NRXN3: variants seen among roughly 807,000 people sequenced by gnomAD.
NRXN3 encodes the protein neurexin 3, also known as neurexin III.
In NRXN3, 32 loss-of-function variants were observed where a neutral mutation model predicts 137.6. The ratio of observed to expected loss-of-function variants is 0.23; its 90% CI spans 0.18 to 0.31. NRXN3 has a LOEUF of 0.31. Among genes scored for constraint, NRXN3 ranks in the 10% least tolerant of loss-of-function variants. The pLI is 1.00. For missense variants in NRXN3, 1,574 were observed against 2,062.5 expected, an observed-to-expected ratio of 0.76 and a Z score of 4.59; for synonymous variants, 798 against 784.5, an observed-to-expected ratio of 1.02 and a Z score of -0.29.
chr14:78,857,217 C>T (rs1440900343), intron 10 of NRXN3, among the ~76,000 whole-genome samples: 1 of 151,928 alleles, frequency 6.6e-6, no homozygotes, highest in Non-Finnish European at 1.5e-5. Flanking sequence ...ACTGTCTTTG[C>T]CAGGCCTTTT....
intron 14 of NRXN3, among the ~76,000 whole-genome samples, chr14:78,982,478 A>G (rs2099491824): frequency 6.6e-6 from 1 of 151,034 alleles, no homozygotes. Flanking sequence ...GAGACCCCCA[A>G]AATAAACTTA....
intron 15 of NRXN3, among the ~76,000 whole-genome samples, chr14:79,253,981 T>G (rs1431400063): frequency 1.3e-5 from 2 of 152,258 alleles, no homozygotes; most frequent in East Asian, 3.8e-4. Flanking sequence ...GAACTAGCTC[T>G]TATTTGATCA....
intron 10 of NRXN3, among the ~76,000 whole-genome samples, chr14:78,817,904 A>C (rs541835737): frequency 6.6e-6 from 1 of 152,274 alleles, no homozygotes; most frequent in East Asian, 1.9e-4. Context: ...CCATATCCAA[A>C]CCATAGCAAG....
In NRXN3 at chr14:78,703,331, G is replaced by C. The variant is rs190406276; in HGVS notation, c.1222-5886G>C. Among the ~76,000 whole-genome samples, 437 of 152,294 alleles carry C rather than the reference G, an allele frequency of 2.9e-3. 3 individuals are homozygous for C. The highest frequency in any genetic ancestry group is 6.8e-3 in the Middle Eastern group (2 of 294). ...CCCAAGTCATCAGCTGCCTGAGGGAGAGAAGGGAAGTGGGGCAGAGACAGT... is the reference window on the plus strand; with the variant it reads ...CCCAAGTCATCAGCTGCCTGAGGGACAGAAGGGAAGTGGGGCAGAGACAGT... On this transcript the variant is annotated intron_variant, in intron 6 of 20. Transcript: ENST00000335750.
At chr14:78,958,662 CTATATCT>C (rs2099402023) in intron 11 of NRXN3, among the ~76,000 whole-genome samples, 1 of 152,180 alleles carries the variant, frequency 6.6e-6, no homozygotes, top group Admixed American at 6.5e-5. Context: ...GCCTTACATG[CTATATCT>C]TATAAGTCTT....
At chr14:79,254,631 T>C (rs1204953065) in intron 15 of NRXN3, among the ~76,000 whole-genome samples, 1 of 152,172 alleles carries the variant, frequency 6.6e-6, no homozygotes, top group Non-Finnish European at 1.5e-5. Flanking sequence ...TGGACTCTTC[T>C]CTGGGCAAAG....
chr14:79,162,603 C>T (rs1298673040), intron 15 of NRXN3, among the ~76,000 whole-genome samples: 1 of 151,848 alleles, frequency 6.6e-6, no homozygotes, highest in Non-Finnish European at 1.5e-5. Flanking sequence ...AAAAAATGCT[C>T]ACCATCACTG....
At chr14:78,945,723 C>T (rs1462864048) in intron 10 of NRXN3, among the ~76,000 whole-genome samples, 2 of 152,226 alleles carry the variant, frequency 1.3e-5, no homozygotes, top group Non-Finnish European at 2.9e-5. Context: ...AGATGCCTCC[C>T]TGGAATCCTA....
At chr14:79,305,725 C>T (rs1320806784) in intron 15 of NRXN3, among the ~76,000 whole-genome samples, 1 of 152,028 alleles carries the variant, frequency 6.6e-6, no homozygotes, top group African/African-American at 2.4e-5. Flanking sequence ...TCAAAGATTC[C>T]ACTAGCTACC....
chr14:78,250,771 C>T (rs2068488006), intron 2 of NRXN3, among the ~76,000 whole-genome samples: 1 of 152,188 alleles, frequency 6.6e-6, no homozygotes, highest in African/African-American at 2.4e-5. Flanking sequence ...AGCCCAGGCC[C>T]TCAATGTGGC....
intron 6 of NRXN3, among the ~76,000 whole-genome samples, chr14:78,665,070 A>T (rs1331367411): frequency 6.6e-6 from 1 of 152,238 alleles, no homozygotes; most frequent in Non-Finnish European, 1.5e-5. Context: ...CAGCATGTAT[A>T]AAGTCTATGA....
At chr14:79,578,062 T>C (rs1254147831) in intron 16 of NRXN3, among the ~76,000 whole-genome samples, 1 of 152,206 alleles carries the variant, frequency 6.6e-6, no homozygotes, top group Non-Finnish European at 1.5e-5. Context: ...CTGCCCTCAC[T>C]TCTGATTTGA....
chr14:79,798,427 T>G (rs906081662), intron 19 of NRXN3, among the ~76,000 whole-genome samples: 1 of 152,174 alleles, frequency 6.6e-6, no homozygotes, highest in Non-Finnish European at 1.5e-5. Context: ...ACAGCAAACA[T>G]TTAAAGGAAT....
intron 16 of NRXN3, among the ~76,000 whole-genome samples, chr14:79,609,397 G>A (rs550486783): frequency 5.3e-5 from 8 of 152,278 alleles, no homozygotes; most frequent in Admixed American, 1.3e-4. Context: ...AAAAACTTCT[G>A]GAGTCTGTTG....
At chr14:78,208,333 C>T (rs577091572) in intron 1 of NRXN3, among the ~76,000 whole-genome samples, 3 of 152,176 alleles carry the variant, frequency 2.0e-5, no homozygotes, top group Non-Finnish European at 2.9e-5. Flanking sequence ...TCTCTATCCT[C>T]CTGCCCTTGA....
At chr14:79,094,064 T>G (rs2049773683) in intron 15 of NRXN3, among the ~76,000 whole-genome samples, 8 of 152,030 alleles carry the variant, frequency 5.3e-5, no homozygotes, top group Admixed American at 1.3e-4. Context: ...AGAGCTGAGA[T>G]AAAGAAATAA....
intron 10 of NRXN3, among the ~76,000 whole-genome samples, chr14:78,892,339 A>G (rs1206988064): frequency 1.3e-5 from 2 of 151,984 alleles, no homozygotes; most frequent in South Asian, 2.1e-4. Flanking sequence ...TGATAGAAAC[A>G]GAGAAGGGAA....
At chr14:78,804,038 G>A (rs1475523333) in intron 9 of NRXN3, among the ~76,000 whole-genome samples, 2 of 152,244 alleles carry the variant, frequency 1.3e-5, no homozygotes, top group Admixed American at 6.5e-5. Flanking sequence ...TGACAGTGGT[G>A]ATTTCTTTAC....
chr14:79,308,656 T>G (rs1051775245), intron 15 of NRXN3, among the ~76,000 whole-genome samples: 2 of 152,098 alleles, frequency 1.3e-5, no homozygotes, highest in Non-Finnish European at 2.9e-5. Context: ...CAGAAAGATT[T>G]GATGTCTTGT....
Sources: allele counts gnomAD v4.1 joint callset (sites outside exome capture counted in the v4.1 genomes callset), GRCh38; gene constraint gnomAD v4.1.1; transcripts MANE v1.5; gene names NCBI Gene and HGNC (gene_info 2026-07-23, HGNC 2026-07-21).